The following LAMC1 variants were observed in gnomAD, a reference collection of about 807,000 sequenced individuals.
The protein encoded by LAMC1 is laminin subunit gamma-1.
Under a neutral mutation model 173.6 loss-of-function variants are expected in LAMC1, and 38 were observed. The observed-to-expected ratio is 0.22, with a 90% CI of 0.17 to 0.29. The LOEUF (loss-of-function observed/expected upper bound fraction) is 0.29. Among genes scored for constraint, LAMC1 ranks in the 10% least tolerant of loss-of-function variants. The probability of loss-of-function intolerance (pLI) is 1.00; values close to 1 mark genes in which losing one functional copy is unlikely to be tolerated. For synonymous variants in LAMC1, 746 were observed against 749.1 expected (o/e 1.00, Z 0.07); for missense variants, 1,824 against 2,051.8 (o/e 0.89, Z 2.14).
chr1:183,129,845 G>A (rs1156646426), intron 18 of LAMC1, among the ~76,000 whole-genome samples: 1 of 152,036 alleles, frequency 6.6e-6, no homozygotes, highest in African/African-American at 2.4e-5. Flanking sequence ...GGCACATGGG[G>A]GTGGCAAAAG....
rs774384881 is a variant in LAMC1, at chr1:183,110,483, C to T, written c.855-5C>T. On this transcript the variant is annotated splice_polypyrimidine_tract_variant and splice_region_variant and intron_variant, in intron 3 of 27. Coordinates refer to ENST00000258341, the MANE Select transcript of LAMC1 (RefSeq NM_002293.4). ...CATTTTTTGGAGTATCTCTTCTCTC[C>T]CCAGATGTAAATGTAATGGACACGC... 114 of 1,604,894 alleles carry T rather than the reference C, an allele frequency of 7.1e-5. No homozygotes were observed. Among genetic ancestry groups the T allele is most frequent in the Non-Finnish European group, 9.1e-5 (107 of 1,173,812 alleles).
intron 1 of LAMC1, among the ~76,000 whole-genome samples, chr1:183,060,215 C>T (rs528189258): frequency 1.3e-4 from 20 of 152,212 alleles, no homozygotes; most frequent in African/African-American, 4.8e-4. Context: ...TCCTTGCAAT[C>T]CATTTGTGCT....
chr1:183,080,932 A>G (rs532897664), intron 1 of LAMC1, among the ~76,000 whole-genome samples: 82 of 152,296 alleles, frequency 5.4e-4, no homozygotes, highest in African/African-American at 1.9e-3. Context: ...CTTGTTGCCC[A>G]GGGTGGAGTG....
chr1:183,108,475 GT>G, intron 3 of LAMC1, 69 bp downstream of exon 3: 1 of 1,405,964 alleles, frequency 7.1e-7, no homozygotes, highest in Non-Finnish European at 9.9e-7. Context: ...CTAGCAACTT[GT>G]TTACAACTAT....
chr1:183,117,353 G>A lies in LAMC1; in HGVS notation c.1598G>A (p.Gly533Asp). The change falls in exon 9 of 28, where the codon GGC becomes GAC. Residue 533 changes from glycine to aspartate, a missense_variant. Coordinates refer to ENST00000258341, the MANE Select transcript of LAMC1 (RefSeq NM_002293.4). Reference protein sequence around the residue: ...EDGWRAEQRDGSEASLEWSSE... With the variant: ...EDGWRAEQRDDSEASLEWSSE... Reference sequence around the variant, plus strand: ...GGGTGGCGTGCGGAACAGAGAGATGGCTCTGAAGCATCTCTCGAGTGGTCC... The same window carrying A: ...GGGTGGCGTGCGGAACAGAGAGATGACTCTGAAGCATCTCTCGAGTGGTCC... 1.2e-6 allele frequency: 2 copies of A among 1,612,488 alleles called. No individual in the cohort carries two copies. Among genetic ancestry groups the A allele is most frequent in the Non-Finnish European group, 1.7e-6 (2 of 1,178,626 alleles).
chr1:183,116,707 T>C (rs1207957304), intron 7 of LAMC1, 32 bp downstream of exon 7: 1 of 1,609,536 alleles, frequency 6.2e-7, no homozygotes, highest in Non-Finnish European at 8.5e-7. Flanking sequence ...TGCATTGTGT[T>C]TTCTGTTACC....
chr1:183,081,151 G>C (rs1655263998), intron 1 of LAMC1, among the ~76,000 whole-genome samples: 1 of 151,972 alleles, frequency 6.6e-6, no homozygotes, highest in African/African-American at 2.4e-5. Context: ...CCTCCCAAAA[G>C]TGCTGGGATT....
chr1:183,132,952 C>CT lies in LAMC1; in HGVS notation c.3704+415_3704+416insT, dbSNP rs531451280. The stretch of plus-strand genomic sequence containing the variant: ...TGAGATGAAGTCTCACTCTTGTCCC[C>CT]CAGGCTAAAGTGCAATGGCGCGATC... On this transcript the variant is annotated intron_variant, in intron 21 of 27. Coordinates refer to ENST00000258341, the MANE Select transcript of LAMC1 (RefSeq NM_002293.4). Among the ~76,000 whole-genome samples, 359 of 152,144 alleles carry CT rather than the reference C, an allele frequency of 2.4e-3. 1 individual carries two copies. The highest frequency in any genetic ancestry group is 7.3e-3 in the African/African-American group (301 of 41,504).
chr1:183,122,936 G>A (rs1656518925), intron 13 of LAMC1, among the ~76,000 whole-genome samples: 1 of 152,144 alleles, frequency 6.6e-6, no homozygotes, highest in Non-Finnish European at 1.5e-5. Context: ...AGGGTATGGA[G>A]CCTATCTCAA....
intron 1 of LAMC1, among the ~76,000 whole-genome samples, chr1:183,101,890 G>A (rs922893274): frequency 6.6e-6 from 1 of 152,154 alleles, no homozygotes; most frequent in Non-Finnish European, 1.5e-5. Context: ...AGAAATAGTC[G>A]GATATTGCTC....
rs188168983 is a variant in LAMC1 at position 183,140,699 on chromosome 1, C to T, written c.4573+196C>T. 48 of 366,828 alleles carry T rather than the reference C, an allele frequency of 1.3e-4. No homozygotes were observed. In the Admixed American group the frequency reaches 1.6e-3, roughly 12 times the overall value. 22.7% of individuals were successfully genotyped at this position (366,828 alleles called of 1,614,324 possible). On this transcript the variant is annotated intron_variant, in intron 27 of 27. Coordinates refer to ENST00000258341, the MANE Select transcript of LAMC1 (RefSeq NM_002293.4). ...CCTTATAAAATAAATGTTTGTCTTG[C>T]ATGACAGGGTCTTTAAGAGCAACTT...
chr1:183,032,300 G>A (rs763937722), intron 1 of LAMC1, among the ~76,000 whole-genome samples: 3 of 152,160 alleles, frequency 2.0e-5, no homozygotes, highest in Non-Finnish European at 2.9e-5. Flanking sequence ...GTAAGGCTGG[G>A]AAATGAATAA....
chr1:183,024,070 G>A lies in LAMC1; in HGVS notation c.354G>A (p.Trp118Ter). The A allele has an allele frequency of 6.2e-7, 1 of 1,611,516 alleles. No individual in the cohort carries two copies. The highest frequency in any genetic ancestry group is 1.7e-5 in the Admixed American group (1 of 59,784). ...ACAACCAGGCCGACACCACCTGGTG[G>A]CAAAGCCAGACCATGCTGGCCGGGG... ...DYNNQADTTW[W>*]QSQTMLAGVQ... The change falls in exon 1 of 28, where the codon TGG (tryptophan) becomes TGA (stop). Residue 118 changes from tryptophan (W) to a stop codon, truncating the protein, a stop_gained. Transcript: ENST00000258341. LOFTEE classifies it high-confidence loss of function.
At chr1:183,141,428 A>G (rs1657111114) in intron 27 of LAMC1, 1 of 152,250 alleles carries the variant, frequency 6.6e-6, no homozygotes, top group Non-Finnish European at 1.5e-5. Context: ...AAAGAGAGAA[A>G]AACCTTGATT....
In LAMC1 at chr1:183,135,459, T is replaced by C. The variant is rs1656911240; in HGVS notation, c.4114+303T>C. Among the ~76,000 whole-genome samples the C allele has an allele frequency of 2.6e-5, 4 of 152,250 alleles. No homozygotes were observed. The South Asian group carries it at 8.3e-4, about 32-fold the overall frequency. ...TCTCTGCCAGTGGCATCTGATTCTTTGTTGTTGTTTTTTTTTCTTCACCCC... is the reference window on the plus strand; with the variant it reads ...TCTCTGCCAGTGGCATCTGATTCTTCGTTGTTGTTTTTTTTTCTTCACCCC... On this transcript the variant is annotated intron_variant, in intron 24 of 27. Coordinates refer to ENST00000258341, the MANE Select transcript of LAMC1 (RefSeq NM_002293.4).
chr1:183,112,711 G>C (rs1656195773), intron 4 of LAMC1, among the ~76,000 whole-genome samples: 1 of 152,146 alleles, frequency 6.6e-6, no homozygotes, highest in South Asian at 2.1e-4. Flanking sequence ...GGGCTTGGTG[G>C]ATTGAGGGAT....
chr1:183,055,389 T>C (rs1459921753), intron 1 of LAMC1, among the ~76,000 whole-genome samples: 2 of 152,120 alleles, frequency 1.3e-5, no homozygotes, highest in East Asian at 3.8e-4. Context: ...ACTTGATACC[T>C]GCTTAGGGTG....
At chr1:183,101,707 CATA>C (rs1405592096) in intron 1 of LAMC1, among the ~76,000 whole-genome samples, 1 of 151,794 alleles carries the variant, frequency 6.6e-6, no homozygotes, top group East Asian at 1.9e-4. Context: ...GAGCAGAAAT[CATA>C]TGGTTAGTAA....
chr1:183,039,851 A>G (rs1057139075), intron 1 of LAMC1, among the ~76,000 whole-genome samples: 1 of 152,278 alleles, frequency 6.6e-6, no homozygotes, highest in East Asian at 1.9e-4. Flanking sequence ...GTCTGTCTCT[A>G]TCTGTGCTTT....
Sources: allele counts gnomAD v4.1 joint callset (sites outside exome capture counted in the v4.1 genomes callset), GRCh38; gene constraint gnomAD v4.1.1; transcripts MANE v1.5; gene names NCBI Gene and HGNC (gene_info 2026-07-23, HGNC 2026-07-21).